The following FGF14 variants were observed in gnomAD, a reference collection of about 807,000 sequenced individuals.
FGF14 encodes the protein fibroblast growth factor homologous factor 4.
FGF14 carries 5 observed loss-of-function variants against 25.5 expected under a neutral mutation model. That is an observed-to-expected ratio of 0.20 (90% CI 0.10 to 0.41). The LOEUF is 0.41. FGF14 is among the 10% of genes least tolerant of loss of function. FGF14 has a pLI of 1.00. For synonymous variants in FGF14, 138 were observed against 118.3 expected (o/e 1.17, Z -1.08); for missense variants, 222 against 320.1 (o/e 0.69, Z 2.34).
At chr13:102,009,350 TAACTC>T (rs1034072409) in intron 1 of FGF14, among the ~76,000 whole-genome samples, 39 of 152,262 alleles carry the variant, frequency 2.6e-4, no homozygotes, top group African/African-American at 8.9e-4. Context: ...AAATAGTAGT[TAACTC>T]TATTGGTAAA....
At chr13:102,047,320 T>G (rs2042028029) in intron 1 of FGF14, among the ~76,000 whole-genome samples, 1 of 152,108 alleles carries the variant, frequency 6.6e-6, no homozygotes, top group Non-Finnish European at 1.5e-5. Context: ...GGTTTAAGAA[T>G]AATAAGAATA....
intron 1 of FGF14, among the ~76,000 whole-genome samples, chr13:102,013,557 T>C (rs2040188934): frequency 1.3e-5 from 2 of 152,142 alleles, no homozygotes; most frequent in South Asian, 4.1e-4. Flanking sequence ...AATTTATAAA[T>C]AAACAGATGA....
chr13:102,103,978 T>C (rs1273706407), intron 1 of FGF14, among the ~76,000 whole-genome samples: 2 of 152,188 alleles, frequency 1.3e-5, no homozygotes, highest in Non-Finnish European at 2.9e-5. Flanking sequence ...CACTTCCCAC[T>C]GTGTTTTTGC....
chr13:102,046,520 G>A (rs544283759), intron 1 of FGF14, among the ~76,000 whole-genome samples: 1 of 152,174 alleles, frequency 6.6e-6, no homozygotes, highest in African/African-American at 2.4e-5. Context: ...AGCTACCCAG[G>A]GTTAAATCTG....
At chr13:102,196,672 T>C (rs571202239) in intron 1 of FGF14, among the ~76,000 whole-genome samples, 2 of 152,216 alleles carry the variant, frequency 1.3e-5, no homozygotes, top group Admixed American at 6.5e-5. Flanking sequence ...ACCTCACATA[T>C]AATTTTTTGT....
intron 1 of FGF14, among the ~76,000 whole-genome samples, chr13:102,087,885 T>C (rs2043998922): frequency 6.6e-6 from 1 of 152,090 alleles, no homozygotes; most frequent in East Asian, 1.9e-4. Context: ...ATCTTACAGT[T>C]AGGAAATGAA....
chr13:101,801,926 G>GCT lies in FGF14; in HGVS notation c.408+66797_408+66798dup, dbSNP rs145410022. On this transcript the variant is annotated intron_variant, in intron 3 of 4. Coordinates refer to ENST00000376143, the MANE Select transcript of FGF14 (RefSeq NM_004115.4). ...ACCAAAGGGTAAGATGTCTGCTTGT[G>GCT]CTCTCTTTGTGCAGATGTGCAGAGA... 1,482 of 439,094 alleles carry GCT rather than the reference G, an allele frequency of 3.4e-3. 19 individuals are homozygous for GCT. Among genetic ancestry groups the GCT allele is most frequent in the African/African-American group, 0.027 (1,342 of 49,048 alleles). 27.2% of individuals were successfully genotyped at this position (439,094 alleles called of 1,614,324 possible).
intron 1 of FGF14, among the ~76,000 whole-genome samples, chr13:102,263,513 G>A (rs898519331): frequency 6.6e-6 from 1 of 152,104 alleles, no homozygotes; most frequent in Admixed American, 6.5e-5. Context: ...GAGAGATTAT[G>A]AAGTAATTCA....
At chr13:102,148,931 T>C (rs1227594660) in intron 1 of FGF14, among the ~76,000 whole-genome samples, 1 of 152,242 alleles carries the variant, frequency 6.6e-6, no homozygotes, top group African/African-American at 2.4e-5. Flanking sequence ...GTACCTGGAA[T>C]ATACAATGTG....
At chr13:102,272,065 A>G (rs1421933351) in intron 1 of FGF14, among the ~76,000 whole-genome samples, 2 of 152,062 alleles carry the variant, frequency 1.3e-5, no homozygotes, top group African/African-American at 4.8e-5. Flanking sequence ...TGCTCTCCAC[A>G]CACCAACCCT....
rs531970551 is a variant in FGF14, at chr13:102,236,234, C to G, written c.208+165237G>C. Among the ~76,000 whole-genome samples the G allele has an allele frequency of 3.3e-5, 5 of 152,170 alleles. No homozygotes were observed. In the South Asian group the frequency reaches 8.3e-4, roughly 25 times the overall value. On this transcript the variant is annotated intron_variant, in intron 1 of 4. Coordinates refer to the FGF14 transcript ENST00000376131. ...TTTCACTTTACTTTGTGGACTTGCC[C>G]GAATTATTCGTTGCACAAGATCTAA... is the stretch of plus-strand genomic sequence containing the variant.
At chr13:102,197,311 CTAACCCCTT>C (rs1159214381) in intron 1 of FGF14, among the ~76,000 whole-genome samples, 15 of 152,128 alleles carry the variant, frequency 9.9e-5, no homozygotes, top group Admixed American at 9.8e-4. Context: ...GACCCAGAGC[CTAACCCCTT>C]TACCAGCACC....
chr13:102,144,484 A>G (rs899499678), intron 1 of FGF14, among the ~76,000 whole-genome samples: 1 of 151,290 alleles, frequency 6.6e-6, no homozygotes, highest in South Asian at 2.1e-4. Flanking sequence ...GTATTATAGT[A>G]TATGATAGCT....
intron 1 of FGF14, among the ~76,000 whole-genome samples, chr13:102,084,883 C>G (rs2043816911): frequency 6.6e-6 from 1 of 152,190 alleles, no homozygotes; most frequent in African/African-American, 2.4e-5. Flanking sequence ...GCAAAACTGT[C>G]AGAAATGGCT....
chr13:102,139,325 A>T (rs2046539492), intron 1 of FGF14, among the ~76,000 whole-genome samples: 1 of 152,074 alleles, frequency 6.6e-6, no homozygotes, highest in Admixed American at 6.6e-5. Context: ...ACTCGAACCC[A>T]GGAGGCAGAG....
At chr13:102,265,933 T>C (rs1380124821) in intron 1 of FGF14, among the ~76,000 whole-genome samples, 1 of 152,044 alleles carries the variant, frequency 6.6e-6, no homozygotes, top group Admixed American at 6.6e-5. Context: ...ACTTCCTGCA[T>C]TGTCATTTAA....
At chr13:102,042,388 G>A (rs529872707) in intron 1 of FGF14, among the ~76,000 whole-genome samples, 110 of 152,270 alleles carry the variant, frequency 7.2e-4, no homozygotes, top group African/African-American at 2.6e-3. Flanking sequence ...GAATTGAGAA[G>A]GTCGTAATCA....
intron 3 of FGF14, among the ~76,000 whole-genome samples, chr13:101,756,771 C>CA (rs2037691924): frequency 1.3e-5 from 2 of 151,440 alleles, no homozygotes; most frequent in African/African-American, 4.9e-5. Flanking sequence ...AACAAACAAA[C>CA]AAAAAACTGT....
chr13:102,017,432 T>C (rs1169942541), intron 1 of FGF14, among the ~76,000 whole-genome samples: 1 of 152,204 alleles, frequency 6.6e-6, no homozygotes, highest in Non-Finnish European at 1.5e-5. Flanking sequence ...TTTAAAGATA[T>C]TGCTCCATTT....
Sources: gnomAD v4.1 joint callset for allele counts (sites outside exome capture counted in the v4.1 genomes callset) on GRCh38, gnomAD v4.1.1 for gene constraint, MANE v1.5 for transcripts, NCBI Gene and HGNC (gene_info 2026-07-23, HGNC 2026-07-21) for gene names.